LHFPL6: variants seen among roughly 807,000 people sequenced by gnomAD.
LHFPL6 encodes the protein LHFPL tetraspan subfamily member 6 protein.
Under a neutral mutation model 20.6 loss-of-function variants are expected in LHFPL6, and 9 were observed. The ratio of observed to expected loss-of-function variants is 0.44; its 90% CI spans 0.26 to 0.76. The LOEUF (loss-of-function observed/expected upper bound fraction) is 0.76, where lower values mean the gene tolerates loss of function less well. Ranked by LOEUF, LHFPL6 falls within the 30% of genes least tolerant of loss-of-function variation. The pLI is 0.20. For missense variants in LHFPL6, 218 were observed against 253.5 expected, an observed-to-expected ratio of 0.86 and a Z score of 0.95; for synonymous variants, 105 against 98.7, an observed-to-expected ratio of 1.06 and a Z score of -0.38.
At chr13:39,438,805 C>A (rs1872033990) in intron 2 of LHFPL6, among the ~76,000 whole-genome samples, 1 of 152,220 alleles carries the variant, frequency 6.6e-6, no homozygotes, top group Admixed American at 6.5e-5. Context: ...ATTAAACCTG[C>A]AGGTATGCAG....
chr13:39,480,554 G>C (rs1593329405), intron 2 of LHFPL6, among the ~76,000 whole-genome samples: 1 of 152,176 alleles, frequency 6.6e-6, no homozygotes, highest in Non-Finnish European at 1.5e-5. Flanking sequence ...TTGATTGGTA[G>C]CTTGTGAATA....
At chr13:39,417,491 C>T (rs1446327057) in intron 2 of LHFPL6, among the ~76,000 whole-genome samples, 2 of 152,146 alleles carry the variant, frequency 1.3e-5, no homozygotes, top group East Asian at 3.8e-4. Flanking sequence ...ACTAACAGCT[C>T]CTCTAACTTT....
At chr13:39,511,466 T>TAAAAAAAAAA (rs67885553) in intron 2 of LHFPL6, among the ~76,000 whole-genome samples, 1 of 140,834 alleles carries the variant, frequency 7.1e-6, no homozygotes. Context: ...TTTAAATTCT[T>TAAAAAAAAAA]AAAAAAAAAA....
At chr13:39,476,024 A>AT (rs888492163) in intron 2 of LHFPL6, among the ~76,000 whole-genome samples, 11 of 152,094 alleles carry the variant, frequency 7.2e-5, no homozygotes, top group African/African-American at 2.4e-4. Flanking sequence ...ATTAGCAGTA[A>AT]TTTTTTTTGT....
chr13:39,551,443 C>T (rs1871143615), intron 2 of LHFPL6, among the ~76,000 whole-genome samples: 1 of 151,462 alleles, frequency 6.6e-6, no homozygotes, highest in Non-Finnish European at 1.5e-5. Flanking sequence ...CACCTCCCAA[C>T]ACTGTTGCAT....
chr13:39,415,985 T>C lies in LHFPL6; in HGVS notation c.386-37459A>G, dbSNP rs1593304452. ...CTTCAGACATCACCCCTAGATTCTC[T>C]GTCCATAGCAAGTGTATAATGACAG... is the stretch of plus-strand genomic sequence containing the variant. On this transcript the variant is annotated intron_variant, in intron 2 of 3. Coordinates refer to ENST00000379589, the MANE Select transcript of LHFPL6 (RefSeq NM_005780.3). 2.0e-5 allele frequency among the ~76,000 whole-genome samples: 3 copies of C among 152,116 alleles called. No homozygotes were observed. The East Asian group carries it at 5.8e-4, about 29-fold the overall frequency.
At chr13:39,398,236 A>G (rs1870892551) in intron 2 of LHFPL6, among the ~76,000 whole-genome samples, 1 of 152,224 alleles carries the variant, frequency 6.6e-6, no homozygotes, top group South Asian at 2.1e-4. Context: ...AATAAGCTCA[A>G]TGAAACAAAA....
At chr13:39,558,334 A>G (rs959145035) in intron 2 of LHFPL6, among the ~76,000 whole-genome samples, 9 of 152,228 alleles carry the variant, frequency 5.9e-5, no homozygotes, top group African/African-American at 2.2e-4. Context: ...ATTGAATGAG[A>G]TAACATACAT....
intron 2 of LHFPL6, among the ~76,000 whole-genome samples, chr13:39,479,525 G>A (rs1406558355): frequency 6.6e-6 from 1 of 152,076 alleles, no homozygotes; most frequent in Non-Finnish European, 1.5e-5. Flanking sequence ...ATAAAGAGAA[G>A]AATAAAATAG....
chr13:39,555,777 C>A (rs1871285919), intron 2 of LHFPL6, among the ~76,000 whole-genome samples: 3 of 152,128 alleles, frequency 2.0e-5, no homozygotes, highest in Non-Finnish European at 2.9e-5. Flanking sequence ...CAAGAAATTT[C>A]AATTAATAAG....
At chr13:39,495,779 ATTTT>A (rs10558170) in intron 2 of LHFPL6, among the ~76,000 whole-genome samples, 8 of 89,552 alleles carry the variant, frequency 8.9e-5, no homozygotes, top group Non-Finnish European at 1.3e-4. Context: ...TAACTCAATA[ATTTT>A]TTTTTTTTTT....
intron 3 of LHFPL6, among the ~76,000 whole-genome samples, chr13:39,352,236 C>A (rs910429685): frequency 1.3e-5 from 2 of 152,184 alleles, no homozygotes; most frequent in Non-Finnish European, 2.9e-5. Flanking sequence ...AGATATGGTC[C>A]CAGACTGAAT....
At chr13:39,543,238 T>G (rs1237431353) in intron 2 of LHFPL6, among the ~76,000 whole-genome samples, 3 of 152,236 alleles carry the variant, frequency 2.0e-5, no homozygotes, top group Non-Finnish European at 4.4e-5. Context: ...ATATATCACA[T>G]TTTCCTTAGC....
At chr13:39,382,091 C>T (rs368771930) in intron 2 of LHFPL6, among the ~76,000 whole-genome samples, 23 of 152,252 alleles carry the variant, frequency 1.5e-4, no homozygotes, top group East Asian at 3.9e-4. Context: ...CAAGGACTTA[C>T]GTATGGAAGT....
intron 3 of LHFPL6, among the ~76,000 whole-genome samples, chr13:39,376,455 T>G (rs1412420138): frequency 6.6e-6 from 1 of 152,208 alleles, no homozygotes. Context: ...ATCTCTTATT[T>G]GTTTTATCCA....
At chr13:39,535,878 G>A (rs956360705) in intron 2 of LHFPL6, among the ~76,000 whole-genome samples, 2 of 152,182 alleles carry the variant, frequency 1.3e-5, no homozygotes, top group Admixed American at 1.3e-4. Flanking sequence ...ATGAGCATGG[G>A]GTCTGGCAGA....
intron 2 of LHFPL6, among the ~76,000 whole-genome samples, chr13:39,379,263 G>T (rs1424747027): frequency 6.6e-6 from 1 of 152,208 alleles, no homozygotes; most frequent in African/African-American, 2.4e-5. Flanking sequence ...TCTTTAGTTT[G>T]CATCAAAGCC....
chr13:39,588,714 A>G (rs1049475712), intron 2 of LHFPL6, among the ~76,000 whole-genome samples: 1 of 152,228 alleles, frequency 6.6e-6, no homozygotes, highest in Non-Finnish European at 1.5e-5. Flanking sequence ...AAATATTCCC[A>G]TGAGGTACAG....
intron 2 of LHFPL6, among the ~76,000 whole-genome samples, chr13:39,505,679 G>A (rs996032183): frequency 2.0e-5 from 3 of 152,108 alleles, no homozygotes; most frequent in African/African-American, 2.4e-5. Context: ...CCTTCTCACC[G>A]AATGTGTCAA....
Sources: gnomAD v4.1 joint callset for allele counts (sites outside exome capture counted in the v4.1 genomes callset) on GRCh38, gnomAD v4.1.1 for gene constraint, MANE v1.5 for transcripts, NCBI Gene and HGNC (gene_info 2026-07-23, HGNC 2026-07-21) for gene names.